Variants in LYZL2 observed in about 807,000 individuals in gnomAD.
LYZL2 encodes the protein lysozyme-like protein 2.
A neutral mutation model predicts 17.1 loss-of-function variants in LYZL2; 13 were observed. That is an observed-to-expected ratio of 0.76 (90% CI 0.49 to 1.21). The LOEUF (loss-of-function observed/expected upper bound fraction) is 1.21, where lower values mean the gene tolerates loss of function less well. Among genes scored for constraint, LYZL2 ranks in the 50% most tolerant of loss-of-function variants. LYZL2 has a pLI of 0.00. For missense variants in LYZL2, 166 were observed against 189.2 expected, an observed-to-expected ratio of 0.88 and a Z score of 0.72; for synonymous variants, 63 against 74.4, an observed-to-expected ratio of 0.85 and a Z score of 0.79.
At chr10:30,619,372 G>A (rs1838583944) in intron 3 of LYZL2, among the ~76,000 whole-genome samples, 1 of 152,108 alleles carries the variant, frequency 6.6e-6, no homozygotes, top group Non-Finnish European at 1.5e-5. Context: ...AAAGACACAT[G>A]CACACGTATG....
intron 2 of LYZL2, 44 bp from the exon 3 acceptor site, chr10:30,626,307 C>T: frequency 6.2e-7 from 1 of 1,607,310 alleles, no homozygotes; most frequent in Non-Finnish European, 8.5e-7. Flanking sequence ...GAGGTGCCAT[C>T]TTTTGCTCTA....
Position 30,629,637 on chromosome 10 carries a change from A to T in LYZL2, c.-70T>A. The T allele has an allele frequency of 6.2e-7, 1 of 1,614,246 alleles. No homozygotes were observed. The highest frequency in any genetic ancestry group is 8.5e-7 in the Non-Finnish European group (1 of 1,180,024). On this transcript the variant is annotated 5_prime_UTR_variant, in exon 1 of 5. Transcript: ENST00000647634. The stretch of plus-strand genomic sequence containing the variant: ...TGCCTGCCGCAGAGGCTGACTTCTC[A>T]GTTGAGTCTGCGGAAGAAACACTGC...
At chr10:30,607,860 G>GGGTCCT (rs1838393899), downstream of LYZL2, among the ~76,000 whole-genome samples, 1 of 152,166 alleles carries the variant, frequency 6.6e-6, no homozygotes, top group Non-Finnish European at 1.5e-5. Flanking sequence ...CCGTCCTCAA[G>GGGTCCT]CAGTCGGACC....
intron 3 of LYZL2, among the ~76,000 whole-genome samples, chr10:30,617,686 AAAAAAAAAAAAAGAAAAG>A (rs1838554875): frequency 6.7e-6 from 1 of 148,894 alleles, no homozygotes; most frequent in African/African-American, 2.5e-5. Context: ...AAAAAAAAAA[AAAAAAAAAAAAAGAAAAG>A]AAAAAGAAAA....
At chr10:30,609,432 T>C (rs1039695417), downstream of LYZL2, among the ~76,000 whole-genome samples, 1 of 152,062 alleles carries the variant, frequency 6.6e-6, no homozygotes, top group African/African-American at 2.4e-5. Context: ...AGGACATCTG[T>C]AGGGAAATGA....
chr10:30,607,321 A>G (rs586001), downstream of LYZL2, among the ~76,000 whole-genome samples: 74,701 of 151,474 alleles, frequency 0.49, 19,164 homozygotes, highest in Middle Eastern at 0.58. Context: ...CAATGCCTCC[A>G]TTCAATACCC....
In LYZL2 at chr10:30,620,401, G is replaced by T. The variant is rs1209776863; in HGVS notation, c.298+5704C>A. Among the ~76,000 whole-genome samples, 4 of 152,236 alleles carry T rather than the reference G, an allele frequency of 2.6e-5. No homozygotes were observed. The East Asian group carries it at 7.7e-4, about 29-fold the overall frequency. Reference sequence around the variant, plus strand: ...CTTTGTTGTCCAATCTTCACGAGCAGCCTGCCTTGATATCTTCCTCTCTCA... The same window carrying T: ...CTTTGTTGTCCAATCTTCACGAGCATCCTGCCTTGATATCTTCCTCTCTCA... On this transcript the variant is annotated intron_variant, in intron 3 of 4. Transcript: ENST00000647634.
intron 3 of LYZL2, among the ~76,000 whole-genome samples, chr10:30,613,499 G>GAA (rs34156491): frequency 0.025 from 3,112 of 125,732 alleles, 131 homozygotes; most frequent in African/African-American, 0.077. Flanking sequence ...TCTGTCTTAA[G>GAA]AAAAAAAAAA....
downstream of LYZL2, among the ~76,000 whole-genome samples, chr10:30,607,602 A>G (rs1838391505): frequency 6.6e-6 from 1 of 152,274 alleles, no homozygotes; most frequent in African/African-American, 2.4e-5. Flanking sequence ...ATCGGATGAG[A>G]GACGGGAGAA....
chr10:30,611,723 AAAAGAAAAGAAAGGAAAGAAAG>A (rs1316503029), downstream of LYZL2: 1 of 111,876 alleles, frequency 8.9e-6, no homozygotes, highest in Admixed American at 1.5e-4. Flanking sequence ...AGAAAGAAAG[AAAAGAAAAGAAAGGAAAGAAAG>A]AAAGAAAGGA....
At chr10:30,626,302 G>T in intron 2 of LYZL2, 39 bp from the exon 3 acceptor site, 1 of 1,607,954 alleles carries the variant, frequency 6.2e-7, no homozygotes, top group East Asian at 2.2e-5. Flanking sequence ...CAAAGGAGGT[G>T]CCATCTTTTG....
intron 3 of LYZL2, among the ~76,000 whole-genome samples, chr10:30,615,484 T>C (rs761293422): frequency 1.3e-5 from 2 of 152,172 alleles, no homozygotes; most frequent in African/African-American, 2.4e-5. Flanking sequence ...ACTGTACTGC[T>C]TACTTGAAAT....
intron 3 of LYZL2, among the ~76,000 whole-genome samples, chr10:30,616,439 C>T (rs1204748850): frequency 1.3e-5 from 2 of 152,246 alleles, no homozygotes; most frequent in Non-Finnish European, 2.9e-5. Context: ...AATCCCAGCA[C>T]TTTGGGAGGC....
chr10:30,624,738 G>T (rs781278173), intron 3 of LYZL2, among the ~76,000 whole-genome samples: 1 of 152,130 alleles, frequency 6.6e-6, no homozygotes, highest in Non-Finnish European at 1.5e-5. Flanking sequence ...TCTCACTATG[G>T]GGTCTCGCCC....
chr10:30,625,320 C>T (rs1251023650), intron 3 of LYZL2, among the ~76,000 whole-genome samples: 1 of 152,124 alleles, frequency 6.6e-6, no homozygotes, highest in Non-Finnish European at 1.5e-5. Flanking sequence ...AGATTCTCTC[C>T]TTCTAAGGAC....
chr10:30,611,723 A>AAAG (rs1564406068), downstream of LYZL2: 38 of 111,824 alleles, frequency 3.4e-4, no homozygotes, highest in African/African-American at 1.2e-3. Context: ...AGAAAGAAAG[A>AAAG]AAAGAAAAGA....
intron 3 of LYZL2, among the ~76,000 whole-genome samples, chr10:30,624,976 T>C (rs1303335352): frequency 3.9e-5 from 6 of 152,164 alleles, no homozygotes; most frequent in African/African-American, 7.2e-5. Flanking sequence ...TCAAGGGGTG[T>C]GAGTGGTCCC....
intron 4 of LYZL2, among the ~76,000 whole-genome samples, chr10:30,612,507 T>A (rs1017794240): frequency 5.9e-5 from 9 of 152,254 alleles, no homozygotes; most frequent in Non-Finnish European, 1.3e-4. Context: ...AGCTTTTTTT[T>A]CCCTCTGGTG....
intron 3 of LYZL2, among the ~76,000 whole-genome samples, chr10:30,617,654 G>A (rs1169708538): frequency 1.1e-5 from 1 of 94,002 alleles, no homozygotes; most frequent in African/African-American, 4.0e-5. Context: ...CAGCCTGGGT[G>A]ACAGAGTGAG....
Sources: allele counts gnomAD v4.1 joint callset (sites outside exome capture counted in the v4.1 genomes callset), GRCh38; gene constraint gnomAD v4.1.1; transcripts MANE v1.5; gene names NCBI Gene and HGNC (gene_info 2026-07-23, HGNC 2026-07-21).